Variants in GRK3 observed in about 807,000 individuals in gnomAD.
GRK3 encodes the protein adrenergic, beta, receptor kinase 2.
GRK3 carries 54 observed loss-of-function variants against 95.7 expected under a neutral mutation model. That is an observed-to-expected ratio of 0.56 (90% CI 0.45 to 0.71). GRK3 has a LOEUF of 0.71. GRK3 is among the 30% of genes least tolerant of loss of function. The pLI is 0.00. For missense variants in GRK3, 649 were observed against 851.2 expected, an observed-to-expected ratio of 0.76 and a Z score of 2.96; for synonymous variants, 281 against 290.8, an observed-to-expected ratio of 0.97 and a Z score of 0.34.
At chr22:25,702,039 T>C (rs1470677394) in intron 13 of GRK3, among the ~76,000 whole-genome samples, 1 of 152,214 alleles carries the variant, frequency 6.6e-6, no homozygotes, top group East Asian at 1.9e-4. Flanking sequence ...TCAAAATCTG[T>C]TTTAAAAGTT....
intron 3 of GRK3, among the ~76,000 whole-genome samples, chr22:25,645,159 G>A (rs1473153508): frequency 6.6e-6 from 1 of 152,168 alleles, no homozygotes; most frequent in Non-Finnish European, 1.5e-5. Flanking sequence ...TGAGGTTGGA[G>A]GGGAGCTGAA....
In GRK3 at chr22:25,723,579, C is replaced by T. The variant is rs1024026160; in HGVS notation, c.*1129C>T. 2.0e-5 allele frequency: 3 copies of T among 152,174 alleles called. No homozygotes were observed. Among genetic ancestry groups the T allele is most frequent in the Admixed American group, 6.5e-5 (1 of 15,268 alleles). 9.4% of individuals were successfully genotyped at this position (152,174 alleles called of 1,614,324 possible). ...TTTTTCCTGGTCCCAGCAGCATCTGCCCTGTGAAGTTTGTTTTCTCCCACT... is the reference window on the plus strand; with the variant it reads ...TTTTTCCTGGTCCCAGCAGCATCTGTCCTGTGAAGTTTGTTTTCTCCCACT... On this transcript the variant is annotated 3_prime_UTR_variant, in exon 21 of 21. Coordinates refer to ENST00000324198, the MANE Select transcript of GRK3 (RefSeq NM_005160.4).
At position 25,603,304 on chromosome 22, in the gene GRK3, T is replaced by C. The variant is rs79413395; in HGVS notation, c.114-1073T>C. Among the ~76,000 whole-genome samples the C allele has an allele frequency of 5.5e-3, 842 of 152,346 alleles. 7 individuals are homozygous for C. Among genetic ancestry groups the C allele is most frequent in the African/African-American group, 0.018 (757 of 41,582 alleles). Reference sequence around the variant, plus strand: ...TAAAAAAAAAAGTAATGCTAAATTATTGTTCACTCCCACCATCAGTGGATA... The same window carrying C: ...TAAAAAAAAAAGTAATGCTAAATTACTGTTCACTCCCACCATCAGTGGATA... On this transcript the variant is annotated intron_variant, in intron 1 of 20. Coordinates refer to ENST00000324198, the MANE Select transcript of GRK3 (RefSeq NM_005160.4).
chr22:25,658,376 G>A (rs200522024), intron 3 of GRK3, among the ~76,000 whole-genome samples: 2 of 152,330 alleles, frequency 1.3e-5, no homozygotes, highest in East Asian at 3.9e-4. Context: ...CAAACTCTGA[G>A]CCCTGTCCTC....
intron 2 of GRK3, among the ~76,000 whole-genome samples, chr22:25,625,090 G>T (rs1468691223): frequency 2.0e-5 from 3 of 151,922 alleles, no homozygotes; most frequent in Non-Finnish European, 4.4e-5. Context: ...CTAATTTTTT[G>T]TATTTTTAGT....
At chr22:25,654,047 AG>A (rs1204094811) in intron 3 of GRK3, among the ~76,000 whole-genome samples, 1 of 152,230 alleles carries the variant, frequency 6.6e-6, no homozygotes, top group African/African-American at 2.4e-5. Flanking sequence ...TCCTAAAGGA[AG>A]CTTCTACAAA....
chr22:25,584,061 C>T (rs897022911), intron 1 of GRK3, among the ~76,000 whole-genome samples: 5 of 152,176 alleles, frequency 3.3e-5, no homozygotes, highest in African/African-American at 1.2e-4. Flanking sequence ...CTAGAATCAA[C>T]TGGGGGCAGA....
chr22:25,616,931 G>C (rs1293742143), intron 2 of GRK3, among the ~76,000 whole-genome samples: 1 of 152,186 alleles, frequency 6.6e-6, no homozygotes, highest in Admixed American at 6.5e-5. Flanking sequence ...ATTCTAGCTG[G>C]TGCTTTGAGG....
intron 1 of GRK3, among the ~76,000 whole-genome samples, chr22:25,594,115 A>G (rs1481069187): frequency 6.6e-6 from 1 of 152,170 alleles, no homozygotes; most frequent in Non-Finnish European, 1.5e-5. Flanking sequence ...TAATCTTAGA[A>G]TAGTTTTTAC....
intron 1 of GRK3, among the ~76,000 whole-genome samples, chr22:25,588,934 G>A (rs1932407877): frequency 6.6e-6 from 1 of 151,926 alleles, no homozygotes; most frequent in South Asian, 2.1e-4. Context: ...ATCTTGGCTA[G>A]CTTTTTAATT....
intron 19 of GRK3, among the ~76,000 whole-genome samples, chr22:25,718,914 TA>T (rs1480983580): frequency 1.3e-5 from 2 of 151,832 alleles, no homozygotes; most frequent in Non-Finnish European, 1.5e-5. Context: ...AACAAAACAA[TA>T]AAAACTAATA....
chr22:25,685,139 C>T (rs1429132774), intron 9 of GRK3, 31 bp from the exon 10 acceptor site: 1 of 1,520,382 alleles, frequency 6.6e-7, no homozygotes, highest in Non-Finnish European at 9.1e-7. Flanking sequence ...AGCTTTTGCT[C>T]TTCTTATAAA....
chr22:25,640,037 C>G (rs2084731593), intron 2 of GRK3, among the ~76,000 whole-genome samples: 1 of 152,092 alleles, frequency 6.6e-6, no homozygotes, highest in Admixed American at 6.5e-5. Context: ...GCTAAATTTA[C>G]TTACATATTC....
At chr22:25,594,772 G>C (rs1396623673) in intron 1 of GRK3, among the ~76,000 whole-genome samples, 1 of 151,974 alleles carries the variant, frequency 6.6e-6, no homozygotes, top group East Asian at 1.9e-4. Flanking sequence ...CAGGTACTCG[G>C]GAGGCTGAGG....
chr22:25,567,753 A>C (rs1175095737), intron 1 of GRK3, among the ~76,000 whole-genome samples: 1 of 152,224 alleles, frequency 6.6e-6, no homozygotes, highest in Non-Finnish European at 1.5e-5. Flanking sequence ...AATTATTTGC[A>C]GTCACTATTC....
At position 25,728,212 on chromosome 22, in the gene GRK3, T is replaced by G. The variant is rs543399886; in HGVS notation, c.*5762T>G. On this transcript the variant is annotated 3_prime_UTR_variant, in exon 21 of 21. Transcript: ENST00000324198. ...CTCTTCTCACCACCATGGACTGTTT[T>G]CAACAACAGTTGATCTTCTGGTCTG... is the stretch of plus-strand genomic sequence containing the variant. 5 of 152,242 alleles carry G rather than the reference T, an allele frequency of 3.3e-5. No individual in the cohort carries two copies. Among genetic ancestry groups the G allele is most frequent in the Non-Finnish European group, 5.9e-5 (4 of 68,044 alleles). 9.4% of individuals were successfully genotyped at this position (152,242 alleles called of 1,614,324 possible).
At chr22:25,649,258 C>A in intron 3 of GRK3, 1 of 1,062,800 alleles carries the variant, frequency 9.4e-7, no homozygotes, top group Non-Finnish European at 1.5e-6. Flanking sequence ...ATTTTATATG[C>A]TCACATCTGC....
At chr22:25,662,333 T>C (rs2146401890) in intron 4 of GRK3, among the ~76,000 whole-genome samples, 1 of 152,372 alleles carries the variant, frequency 6.6e-6, no homozygotes, top group Admixed American at 6.5e-5. Context: ...TGTGGCAATT[T>C]ACATTTAACT....
At chr22:25,713,255 TCA>T (rs71743064) in intron 17 of GRK3, among the ~76,000 whole-genome samples, 7,061 of 151,964 alleles carry the variant, frequency 0.046, 269 homozygotes, top group Middle Eastern at 0.1. Context: ...ACCCCATCAC[TCA>T]CACACACACT....
Sources: allele counts gnomAD v4.1 joint callset (sites outside exome capture counted in the v4.1 genomes callset), GRCh38; gene constraint gnomAD v4.1.1; transcripts MANE v1.5; gene names NCBI Gene and HGNC (gene_info 2026-07-23, HGNC 2026-07-21).